The following ZC3HAV1 variants were observed in gnomAD, a reference collection of about 807,000 sequenced individuals.
ZC3HAV1 encodes the protein zinc finger CCCH-type antiviral protein 1.
A neutral mutation model predicts 86.6 loss-of-function variants in ZC3HAV1; 41 were observed. The ratio of observed to expected loss-of-function variants is 0.47; its 90% confidence interval spans 0.37 to 0.61. The LOEUF (loss-of-function observed/expected upper bound fraction) is 0.61. Among genes scored for constraint, ZC3HAV1 ranks in the 20% least tolerant of loss-of-function variants. ZC3HAV1 has a pLI of 0.00. For missense variants in ZC3HAV1, 964 were observed against 1,141.1 expected, an observed-to-expected ratio of 0.84 and a Z score of 2.24; for synonymous variants, 421 against 432.1, an observed-to-expected ratio of 0.97 and a Z score of 0.32.
chr7:139,061,815 A>G (rs2130678135), intron 8 of ZC3HAV1, among the ~76,000 whole-genome samples: 1 of 152,356 alleles, frequency 6.6e-6, no homozygotes, highest in African/African-American at 2.4e-5. Context: ...GAAATAACCT[A>G]AGTGTCCATC....
At chr7:139,095,034 C>T (rs956195550) in intron 1 of ZC3HAV1, among the ~76,000 whole-genome samples, 1 of 149,388 alleles carries the variant, frequency 6.7e-6, no homozygotes, top group Non-Finnish European at 1.5e-5. Flanking sequence ...TCCCTTCTCT[C>T]CTTCATCCCC....
Position 139,073,843 on chromosome 7 carries a change from G to T in ZC3HAV1, c.1872+13C>A. ...TTAAACAAGAGCCCCCTACAAGGAG[G>T]AACAGTGCTCACCTCTTCTCCATAC... is the stretch of plus-strand genomic sequence containing the variant. On this transcript the variant is annotated intron_variant, in intron 7 of 12. Coordinates refer to ENST00000242351, the MANE Select transcript of ZC3HAV1 (RefSeq NM_020119.4). The T allele has an allele frequency of 1.3e-6, 2 of 1,600,004 alleles. No homozygotes were observed. Among genetic ancestry groups the T allele is most frequent in the South Asian group, 2.2e-5 (2 of 89,824 alleles).
At chr7:139,052,593 G>A (rs1816163088) in intron 12 of ZC3HAV1, among the ~76,000 whole-genome samples, 2 of 103,568 alleles carry the variant, frequency 1.9e-5, no homozygotes, top group Non-Finnish European at 3.8e-5. Flanking sequence ...CAATAAAAGC[G>A]AAACTCTGTC....
intron 1 of ZC3HAV1, 107 bp from the exon 2 acceptor site, chr7:139,089,866 G>A: frequency 8.2e-7 from 1 of 1,225,194 alleles, no homozygotes; most frequent in East Asian, 2.8e-5. Context: ...CATATTCTCT[G>A]ACAACAGACA....
chr7:139,051,985 A>G (rs1386530401), intron 12 of ZC3HAV1, among the ~76,000 whole-genome samples: 8 of 150,578 alleles, frequency 5.3e-5, no homozygotes, highest in African/African-American at 2.0e-4. Context: ...TTGTTTTTTT[A>G]ATTTTCTAGT....
intron 7 of ZC3HAV1, among the ~76,000 whole-genome samples, chr7:139,068,796 C>T (rs10275607): frequency 0.046 from 6,960 of 152,262 alleles, 526 homozygotes; most frequent in African/African-American, 0.16. Flanking sequence ...CCCCTTGGTT[C>T]AGTCCACATC....
intron 1 of ZC3HAV1, among the ~76,000 whole-genome samples, chr7:139,093,225 C>A (rs1194223815): frequency 6.6e-6 from 1 of 151,932 alleles, no homozygotes; most frequent in African/African-American, 2.4e-5. Flanking sequence ...AAGCAAAAAC[C>A]CAAGCCGGAA....
At chr7:139,102,081 C>A (rs978691189) in intron 1 of ZC3HAV1, among the ~76,000 whole-genome samples, 1 of 151,486 alleles carries the variant, frequency 6.6e-6, no homozygotes, top group African/African-American at 2.4e-5. Context: ...GAAGCATATA[C>A]CAAAATGTTC....
chr7:139,082,875 G>GTT lies in ZC3HAV1; in HGVS notation c.697+903_697+904dup, dbSNP rs11419329. 2.2e-3 allele frequency among the ~76,000 whole-genome samples: 326 copies of GTT among 151,174 alleles called. 1 individual carries two copies. The highest frequency in any genetic ancestry group is 7.6e-3 in the African/African-American group (313 of 41,172). On this transcript the variant is annotated intron_variant, in intron 3 of 12. Coordinates refer to ENST00000242351, the MANE Select transcript of ZC3HAV1 (RefSeq NM_020119.4). ...TTTTTTTAGAAATTTTAAAATATTG[G>GTT]TTTTTTTTTAAAGAAATGGCACTGA...
chr7:139,075,455 C>A (rs1816913371), intron 6 of ZC3HAV1, among the ~76,000 whole-genome samples: 1 of 152,120 alleles, frequency 6.6e-6, no homozygotes, highest in Non-Finnish European at 1.5e-5. Flanking sequence ...ATTTTTGAGA[C>A]AGGGTCTCAC....
At chr7:139,071,348 C>T (rs1419558489) in intron 7 of ZC3HAV1, among the ~76,000 whole-genome samples, 5 of 152,108 alleles carry the variant, frequency 3.3e-5, no homozygotes, top group South Asian at 2.1e-4. Context: ...GTGATCCACA[C>T]GCCTTGGCCT....
intron 1 of ZC3HAV1, among the ~76,000 whole-genome samples, chr7:139,097,439 T>TA (rs2130730835): frequency 1.6e-5 from 2 of 125,088 alleles, no homozygotes; most frequent in African/African-American, 6.5e-5. Flanking sequence ...TTTTTTTTTT[T>TA]TTTTTTTTTC....
intron 7 of ZC3HAV1, among the ~76,000 whole-genome samples, chr7:139,070,708 C>T (rs1248601652): frequency 1.4e-5 from 2 of 145,946 alleles, no homozygotes; most frequent in South Asian, 2.2e-4. Flanking sequence ...GGGTTGGGTG[C>T]GGTGGCTTAC....
At chr7:139,089,820 C>T (rs1817377925) in intron 1 of ZC3HAV1, 61 bp from the exon 2 acceptor site, 8 of 1,522,604 alleles carry the variant, frequency 5.3e-6, no homozygotes, top group South Asian at 1.3e-5. Flanking sequence ...AAACAGAAAT[C>T]AGCCATAAAA....
At chr7:139,062,092 G>T (rs1375762372) in intron 8 of ZC3HAV1, among the ~76,000 whole-genome samples, 1 of 152,122 alleles carries the variant, frequency 6.6e-6, no homozygotes, top group Non-Finnish European at 1.5e-5. Flanking sequence ...GTGTTGCTGG[G>T]GAAACTGATT....
intron 12 of ZC3HAV1, among the ~76,000 whole-genome samples, chr7:139,052,513 G>A (rs1816158502): frequency 6.7e-6 from 1 of 148,532 alleles, no homozygotes. Context: ...GCTGAGGCAG[G>A]AGAATCACTT....
chr7:139,064,038 G>A (rs1816527161), intron 8 of ZC3HAV1, among the ~76,000 whole-genome samples: 1 of 152,210 alleles, frequency 6.6e-6, no homozygotes, highest in Admixed American at 6.5e-5. Flanking sequence ...CTAAGGGAAT[G>A]AAAAGACAAA....
At chr7:139,054,178 T>C in intron 10 of ZC3HAV1, 83 bp from the exon 11 acceptor site, 9 of 1,348,720 alleles carry the variant, frequency 6.7e-6, no homozygotes, top group Non-Finnish European at 8.8e-6. Flanking sequence ...CCTTATGCCA[T>C]GAAGTATTGT....
In ZC3HAV1 at chr7:139,053,530, G is replaced by C. The variant is rs1376137967; in HGVS notation, c.2370C>G (p.Ser790Arg). The C allele has an allele frequency of 6.2e-7, 1 of 1,605,216 alleles. No individual in the cohort carries two copies. The highest frequency in any genetic ancestry group is 8.5e-7 in the Non-Finnish European group (1 of 1,177,266). ...AACAGATAGATTCCACATAGGCACGGCTTGTCGCATAAAATAGGAGTTTTC... is the reference window on the plus strand; with the variant it reads ...AACAGATAGATTCCACATAGGCACGCCTTGTCGCATAAAATAGGAGTTTTC... ...EEGKLLFYAT[S>R]RAYVESICSN... Residue 790 changes from serine to arginine, a missense_variant, in exon 12 of 13, where the codon AGC becomes AGG. Ser to Arg is a moderately radical substitution (Grantham distance 110). Transcript: ENST00000242351.
Sources: gnomAD v4.1 joint callset for allele counts (sites outside exome capture counted in the v4.1 genomes callset) on GRCh38, gnomAD v4.1.1 for gene constraint, MANE v1.5 for transcripts, NCBI Gene and HGNC (gene_info 2026-07-23, HGNC 2026-07-21) for gene names.